USP17L7: variants seen among roughly 807,000 people sequenced by gnomAD.
USP17L7 encodes the protein inactive ubiquitin carboxyl-terminal hydrolase 17-like protein 7.
A neutral mutation model predicts 37.6 loss-of-function variants in USP17L7; 53 were observed. That is an observed-to-expected ratio of 1.41 (90% CI 1.13 to 1.77). The LOEUF is 1.77. USP17L7 is among the 40% of genes most tolerant of loss of function. The pLI, the probability that USP17L7 is intolerant of heterozygous loss-of-function variation, is 0.00. For synonymous variants in USP17L7, 330 were observed against 251.0 expected, an observed-to-expected ratio of 1.31 and a Z score of -2.98; for missense variants, 914 against 645.0, an observed-to-expected ratio of 1.42 and a Z score of -4.52.
In USP17L7 at chr8:12,133,610, A is replaced by G. The variant is rs778447630; in HGVS notation, c.400T>C (p.Trp134Arg). The change falls in exon 1 of 1, where the codon TGG becomes CGG. Residue 134 changes from tryptophan (W) to arginine (R), a missense_variant. Transcript: ENST00000530447. ...MFCTMQAHIT[W>R]ALHSPGHVIQ... ...ACATGGCCAGGACTGTGGAGGGCCC[A>G]TGTGATGTGAGCTTGCATAGTACAG... The G allele has an allele frequency of 1.8e-5, 22 of 1,253,900 alleles. 5 individuals are homozygous for G. The East Asian group carries it at 3.2e-4, about 18-fold the overall frequency. The allele number at this position is 1,253,900 out of a possible 1,614,324, so 77.7% of individuals were successfully genotyped here.
In USP17L7 at chr8:12,133,334, C is replaced by G; in HGVS notation, c.676G>C (p.Asp226His). ...TTGACACTCTGAGCTGCCTGGATAT[C>G]CAGGGCGATGTCCAGGTAAGGGTCA... ...TFDPYLDIAL[D>H]IQAAQSVKQA... The change falls in exon 1 of 1, where the codon GAT (aspartate) becomes CAT (histidine). Residue 226 changes from aspartate (D) to histidine (H), a missense_variant. Physicochemically the swap from Asp to His is moderately conservative, Grantham distance 81. Coordinates refer to ENST00000530447, the MANE Select transcript of USP17L7 (RefSeq NM_001256869.2). 6.6e-7 allele frequency: 1 copy of G among 1,505,104 alleles called. No individual in the cohort carries two copies. The highest frequency in any genetic ancestry group is 9.0e-7 in the Non-Finnish European group (1 of 1,111,362). The allele number at this position is 1,505,104 out of a possible 1,614,324, so 93.2% of individuals were successfully genotyped here. A position where few individuals can be genotyped will look rare whatever the true frequency, so the allele number is the denominator to read the frequency against.
At position 12,132,950 on chromosome 8, in the gene USP17L7, C is replaced by A. The variant is rs769866476; in HGVS notation, c.1060G>T (p.Val354Phe). 8 of 1,531,090 alleles carry A rather than the reference C, an allele frequency of 5.2e-6. No individual in the cohort carries two copies. The highest frequency in any genetic ancestry group is 1.2e-5 in the South Asian group (1 of 81,090). 94.8% of individuals were successfully genotyped at this position (1,531,090 alleles called of 1,614,324 possible). The stretch of plus-strand genomic sequence containing the variant: ...ACAGAGGTGATGCCAGAGGCAGTGA[C>A]CTCGGCATCATCCATTTTATACCAC... ...GQWYKMDDAE[V>F]TASGITSVLS... The change falls in exon 1 of 1, where the codon GTC becomes TTC. Residue 354 changes from valine to phenylalanine, a missense_variant. Val to Phe is a conservative substitution (Grantham distance 50). Coordinates refer to ENST00000530447, the MANE Select transcript of USP17L7 (RefSeq NM_001256869.2).
At position 12,133,219 on chromosome 8, in the gene USP17L7, G is replaced by A. The variant is rs775533975; in HGVS notation, c.791C>T (p.Ser264Phe). 1.3e-6 allele frequency: 2 copies of A among 1,502,740 alleles called. No individual in the cohort carries two copies. The highest frequency in any genetic ancestry group is 2.8e-5 in the African/African-American group (2 of 71,468). 93.1% of individuals were successfully genotyped at this position (1,502,740 alleles called of 1,614,324 possible). The change falls in exon 1 of 1, where the codon TCC becomes TTC. Residue 264 changes from serine to phenylalanine, a missense_variant. Ser to Phe is a radical substitution (Grantham distance 155). Coordinates refer to ENST00000530447, the MANE Select transcript of USP17L7 (RefSeq NM_001256869.2). Reference sequence around the variant, plus strand: ...AGAAGTGGGTAAAGTTAACGTCTTGGAGGCAGGCGCCTTCTGGAGACAAAG... The same window carrying A: ...AGAAGTGGGTAAAGTTAACGTCTTGAAGGCAGGCGCCTTCTGGAGACAAAG... ...CGLCLQKAPA[S>F]KTLTLPTSAK...
In USP17L7 at chr8:12,132,461, C is replaced by CT. The variant is rs1219731607; in HGVS notation, c.1548dup (p.Gly517ArgfsTer3). The stretch of plus-strand genomic sequence containing the variant: ...GATCTCTTGCTGTGTTTGTTATTCC[C>CT]TTTGGATCTCCTGGTGCTCCCTTGC... On this transcript the variant is annotated frameshift_variant, in exon 1 of 1. Coordinates refer to ENST00000530447, the MANE Select transcript of USP17L7 (RefSeq NM_001256869.2). LOFTEE classifies it high-confidence loss of function. The CT allele has an allele frequency of 1.4e-6, 2 of 1,448,538 alleles. 1 individual carries two copies. Among genetic ancestry groups the CT allele is most frequent in the Non-Finnish European group, 1.9e-6 (2 of 1,055,340 alleles). The allele number at this position is 1,448,538 out of a possible 1,614,324, so 89.7% of individuals were successfully genotyped here. A position where few individuals can be genotyped will look rare whatever the true frequency, so the allele number is the denominator to read the frequency against.
rs778004223 is a variant in USP17L7 at position 12,132,933 on chromosome 8, G to C, written c.1077C>G (p.Ile359Met). ...MDDAEVTASG[I>M]TSVLSQQAYV... is the part of the protein sequence containing the mutation. ...AGGCCTGTTGACTCAGGACAGAGGT[G>C]ATGCCAGAGGCAGTGACCTCGGCAT... The change falls in exon 1 of 1, where the codon ATC becomes ATG. Residue 359 changes from isoleucine to methionine, a missense_variant. Physicochemically the swap from Ile to Met is conservative, Grantham distance 10. Coordinates refer to ENST00000530447, the MANE Select transcript of USP17L7 (RefSeq NM_001256869.2). The C allele has an allele frequency of 1.6e-4, 240 of 1,527,588 alleles. 19 individuals carry two copies. The highest frequency in any genetic ancestry group is 1.2e-4 in the Admixed American group (7 of 57,206). The allele number at this position is 1,527,588 out of a possible 1,614,324, so 94.6% of individuals were successfully genotyped here. A position where few individuals can be genotyped will look rare whatever the true frequency, so the allele number is the denominator to read the frequency against.
Position 12,133,622 on chromosome 8 carries a change from C to G in USP17L7, c.388G>C (p.Ala130Pro). ...HKCCMFCTMQ[A>P]HITWALHSPG... The stretch of plus-strand genomic sequence containing the variant: ...CTGTGGAGGGCCCATGTGATGTGAG[C>G]TTGCATAGTACAGAACATGCAGCAC... Residue 130 changes from alanine (A) to proline (P), a missense_variant, in exon 1 of 1, where the codon GCT becomes CCT. Physicochemically the swap from Ala to Pro is conservative, Grantham distance 27. Transcript: ENST00000530447. The G allele has an allele frequency of 2.4e-6, 3 of 1,239,036 alleles. No homozygotes were observed. Among genetic ancestry groups the G allele is most frequent in the Non-Finnish European group, 3.5e-6 (3 of 863,766 alleles). 76.8% of individuals were successfully genotyped at this position (1,239,036 alleles called of 1,614,324 possible). A position where few individuals can be genotyped will look rare whatever the true frequency, so the allele number is the denominator to read the frequency against.
rs769953341 is a variant in USP17L7, at chr8:12,132,995, C to T, written c.1015G>A (p.Val339Ile). The T allele has an allele frequency of 7.8e-6, 12 of 1,532,228 alleles. 1 individual carries two copies. The highest frequency in any genetic ancestry group is 1.7e-5 in the Admixed American group (1 of 57,202). 94.9% of individuals were successfully genotyped at this position (1,532,228 alleles called of 1,614,324 possible). Residue 339 changes from valine (V) to isoleucine (I), a missense_variant, in exon 1 of 1, where the codon GTC becomes ATC. By Grantham distance (29) the Val-to-Ile change is conservative. Transcript: ENST00000530447. The stretch of plus-strand genomic sequence containing the variant: ...TACCACTGGCCTTCTTGAGCTTTGA[C>T]ATAAGAGAAGTAATGTCCGTTGTGA... ...SCHNGHYFSY[V>I]KAQEGQWYKM...
chr8:12,132,474 G>T lies in USP17L7; in HGVS notation c.1536C>A (p.Thr512=). 1 of 1,452,224 alleles carries T rather than the reference G, an allele frequency of 6.9e-7. No homozygotes were observed. Among genetic ancestry groups the T allele is most frequent in the Non-Finnish European group, 9.4e-7 (1 of 1,058,670 alleles). 90.0% of individuals were successfully genotyped at this position (1,452,224 alleles called of 1,614,324 possible). The change falls in exon 1 of 1, where the codon ACC becomes ACA. Residue 512 remains threonine, a synonymous_variant. Coordinates refer to ENST00000530447, the MANE Select transcript of USP17L7 (RefSeq NM_001256869.2). ...GTTTGTTATTCCCTTTGGATCTCCT[G>T]GTGCTCCCTTGCAGAGAAGCGAGTG... ...TGTLASLQGS[T]RRSKGNNKHS...
Position 12,132,669 on chromosome 8 carries a change from C to T in USP17L7, c.1341G>A (p.Lys447=). 1 of 1,543,162 alleles carries T rather than the reference C, an allele frequency of 6.5e-7. No homozygotes were observed. The highest frequency in any genetic ancestry group is 8.8e-7 in the Non-Finnish European group (1 of 1,138,560). ...WKFPQEQNKT[K]PEFNVRKVEG... ...CAACTTTTCTGACGTTGAACTCAGG[C>T]TTCGTTTTGTTTTGCTCTTGGGGGA... Residue 447 remains lysine, a synonymous_variant, in exon 1 of 1, where the codon AAG becomes AAA. Coordinates refer to ENST00000530447, the MANE Select transcript of USP17L7 (RefSeq NM_001256869.2).
rs779221154 is a variant in USP17L7 at position 12,133,366 on chromosome 8, T to C, written c.644A>G (p.Asp215Gly). Reference sequence around the variant, plus strand: ...GATGTCCAGGTAAGGGTCAAAGGTGTCTGAAACGCCGTGGCAGTGGAGATA... The same window carrying C: ...GATGTCCAGGTAAGGGTCAAAGGTGCCTGAAACGCCGTGGCAGTGGAGATA... The part of the protein sequence containing the change: ...IKYLHCHGVS[D>G]TFDPYLDIAL... The change falls in exon 1 of 1, where the codon GAC (aspartate) becomes GGC (glycine). Residue 215 changes from aspartate to glycine, a missense_variant. Coordinates refer to ENST00000530447, the MANE Select transcript of USP17L7 (RefSeq NM_001256869.2). 90 of 1,474,372 alleles carry C rather than the reference T, an allele frequency of 6.1e-5. 6 individuals are homozygous for C. The highest frequency in any genetic ancestry group is 7.7e-5 in the Non-Finnish European group (83 of 1,084,362). 91.3% of individuals were successfully genotyped at this position (1,474,372 alleles called of 1,614,324 possible).
Position 12,132,647 on chromosome 8 carries a change from C to G in USP17L7, c.1363G>C (p.Val455Leu), listed in dbSNP as rs576469109. ...KTKPEFNVRK[V>L]EGTLPPNVLV... ...ACGTTGGGAGGCAGGGTACCTTCAA[C>G]TTTTCTGACGTTGAACTCAGGCTTC... The change falls in exon 1 of 1, where the codon GTT (valine) becomes CTT (leucine). Residue 455 changes from valine to leucine, a missense_variant. Physicochemically the swap from Val to Leu is conservative, Grantham distance 32. Coordinates refer to ENST00000530447, the MANE Select transcript of USP17L7 (RefSeq NM_001256869.2). The G allele has an allele frequency of 7.7e-5, 119 of 1,538,768 alleles. 11 individuals carry two copies. Among genetic ancestry groups the G allele is most frequent in the African/African-American group, 5.2e-4 (37 of 71,528 alleles).
chr8:12,132,951 C>A lies in USP17L7; in HGVS notation c.1059G>T (p.Glu353Asp), dbSNP rs574433245. The A allele has an allele frequency of 9.2e-6, 14 of 1,529,696 alleles. 1 individual carries two copies. The highest frequency in any genetic ancestry group is 1.2e-5 in the Non-Finnish European group (14 of 1,125,380). The allele number at this position is 1,529,696 out of a possible 1,614,324, so 94.8% of individuals were successfully genotyped here. ...EGQWYKMDDA[E>D]VTASGITSVL... ...CAGAGGTGATGCCAGAGGCAGTGACCTCGGCATCATCCATTTTATACCACT... is the reference window on the plus strand; with the variant it reads ...CAGAGGTGATGCCAGAGGCAGTGACATCGGCATCATCCATTTTATACCACT... The change falls in exon 1 of 1, where the codon GAG becomes GAT. Residue 353 changes from glutamate (E) to aspartate (D), a missense_variant. Glu to Asp is a conservative substitution (Grantham distance 45). Coordinates refer to ENST00000530447, the MANE Select transcript of USP17L7 (RefSeq NM_001256869.2).
Position 12,133,694 on chromosome 8 carries a change from T to G in USP17L7, c.316A>C (p.Asn106His), listed in dbSNP as rs764804541. 6 of 1,280,846 alleles carry G rather than the reference T, an allele frequency of 4.7e-6. No homozygotes were observed. The highest frequency in any genetic ancestry group is 1.5e-5 in the African/African-American group (1 of 67,490). The allele number at this position is 1,280,846 out of a possible 1,614,324, so 79.3% of individuals were successfully genotyped here. A position where few individuals can be genotyped will look rare whatever the true frequency, so the allele number is the denominator to read the frequency against. The stretch of plus-strand genomic sequence containing the variant: ...GAGTCCTCCCGGGACAGCATGTAGT[T>G]GGAAAGCGGCAGTGTGTATGTCAGG... ...QCLTYTLPLS[N>H]YMLSREDSQT... is the part of the protein sequence containing the mutation. Residue 106 changes from asparagine (N) to histidine (H), a missense_variant, in exon 1 of 1, where the codon AAC becomes CAC. Coordinates refer to ENST00000530447, the MANE Select transcript of USP17L7 (RefSeq NM_001256869.2).
Position 12,132,956 on chromosome 8 carries a change from C to T in USP17L7, c.1054G>A (p.Ala352Thr). 1 of 1,530,804 alleles carries T rather than the reference C, an allele frequency of 6.5e-7. No homozygotes were observed. Among genetic ancestry groups the T allele is most frequent in the Non-Finnish European group, 8.9e-7 (1 of 1,126,328 alleles). 94.8% of individuals were successfully genotyped at this position (1,530,804 alleles called of 1,614,324 possible). A position where few individuals can be genotyped will look rare whatever the true frequency, so the allele number is the denominator to read the frequency against. The change falls in exon 1 of 1, where the codon GCC becomes ACC. Residue 352 changes from alanine (A) to threonine (T), a missense_variant. Coordinates refer to ENST00000530447, the MANE Select transcript of USP17L7 (RefSeq NM_001256869.2). ...GTGATGCCAGAGGCAGTGACCTCGGCATCATCCATTTTATACCACTGGCCT... is the reference window on the plus strand; with the variant it reads ...GTGATGCCAGAGGCAGTGACCTCGGTATCATCCATTTTATACCACTGGCCT... ...QEGQWYKMDD[A>T]EVTASGITSV...
Position 12,132,434 on chromosome 8 carries a change from G to T in USP17L7, c.1576C>A (p.Leu526Met), listed in dbSNP as rs763471800. Residue 526 changes from leucine (L) to methionine (M), a missense_variant, in exon 1 of 1, where the codon CTG (leucine) becomes ATG (methionine). Transcript: ENST00000530447. The stretch of plus-strand genomic sequence containing the variant: ...CACTGTGATCACTGGCACACAAGCA[G>T]AGATCTCTTGCTGTGTTTGTTATTC... The part of the protein sequence containing the change: ...KGNNKHSKRS[L>M]LVCQ The T allele has an allele frequency of 7.0e-7, 1 of 1,420,920 alleles. No homozygotes were observed. Among genetic ancestry groups the T allele is most frequent in the Non-Finnish European group, 9.7e-7 (1 of 1,030,308 alleles). 88.0% of individuals were successfully genotyped at this position (1,420,920 alleles called of 1,614,324 possible).
rs1167914748 is a variant in USP17L7, at chr8:12,133,632, A to G, written c.378T>C (p.Cys126=). Reference sequence around the variant, plus strand: ...CCCATGTGATGTGAGCTTGCATAGTACAGAACATGCAGCACTTGTGAAGAT... The same window carrying G: ...CCCATGTGATGTGAGCTTGCATAGTGCAGAACATGCAGCACTTGTGAAGAT... The part of the protein sequence containing the change: ...TCHLHKCCMF[C]TMQAHITWAL... The change falls in exon 1 of 1, where the codon TGT becomes TGC. Residue 126 remains cysteine (C), a synonymous_variant. Coordinates refer to ENST00000530447, the MANE Select transcript of USP17L7 (RefSeq NM_001256869.2). The G allele has an allele frequency of 3.3e-6, 4 of 1,230,056 alleles. 1 individual carries two copies. The highest frequency in any genetic ancestry group is 4.7e-6 in the Non-Finnish European group (4 of 855,662). 76.2% of individuals were successfully genotyped at this position (1,230,056 alleles called of 1,614,324 possible).
In USP17L7 at chr8:12,132,895, T is replaced by C; in HGVS notation, c.1115A>G (p.Tyr372Cys). The change falls in exon 1 of 1, where the codon TAC (tyrosine) becomes TGC (cysteine). Residue 372 changes from tyrosine to cysteine, a missense_variant. Transcript: ENST00000530447. ...VLSQQAYVLF[Y>C]IQKSEWERHS... ...TCTTTCCCATTCACTCTTCTGGATG[T>C]AAAAGAGGACATAGGCCTGTTGACT... 1 of 1,493,590 alleles carries C rather than the reference T, an allele frequency of 6.7e-7. No individual in the cohort carries two copies. The highest frequency in any genetic ancestry group is 1.3e-5 in the South Asian group (1 of 79,890). 92.5% of individuals were successfully genotyped at this position (1,493,590 alleles called of 1,614,324 possible).
Position 12,132,806 on chromosome 8 carries a change from G to C in USP17L7, c.1204C>G (p.Pro402Ala). ...CTCTTGAGCTCTCCTTGCGTTGCTG[G>C]CCTGTCTGTGTCTTCAGCACCAAGG... ...RALGAEDTDR[P>A]ATQGELKRDH... Residue 402 changes from proline to alanine, a missense_variant, in exon 1 of 1, where the codon CCA becomes GCA. Coordinates refer to ENST00000530447, the MANE Select transcript of USP17L7 (RefSeq NM_001256869.2). 5 of 1,517,796 alleles carry C rather than the reference G, an allele frequency of 3.3e-6. 1 individual carries two copies. The South Asian group carries it at 3.7e-5, about 11-fold the overall frequency. The allele number at this position is 1,517,796 out of a possible 1,614,324, so 94.0% of individuals were successfully genotyped here.
rs1329121807 is a variant in USP17L7, at chr8:12,132,934, A to T, written c.1076T>A (p.Ile359Asn). The change falls in exon 1 of 1, where the codon ATC (isoleucine) becomes AAC (asparagine). Residue 359 changes from isoleucine (I) to asparagine (N), a missense_variant. Ile to Asn is a moderately radical substitution (Grantham distance 149, BLOSUM62 -3). Transcript: ENST00000530447. ...MDDAEVTASG[I>N]TSVLSQQAYV... ...GGCCTGTTGACTCAGGACAGAGGTG[A>T]TGCCAGAGGCAGTGACCTCGGCATC... The T allele has an allele frequency of 6.5e-7, 1 of 1,528,978 alleles. No homozygotes were observed. Among genetic ancestry groups the T allele is most frequent in the Non-Finnish European group, 8.9e-7 (1 of 1,124,616 alleles). The allele number at this position is 1,528,978 out of a possible 1,614,324, so 94.7% of individuals were successfully genotyped here. A position where few individuals can be genotyped will look rare whatever the true frequency, so the allele number is the denominator to read the frequency against.
Sources: allele counts gnomAD v4.1 joint callset, GRCh38; gene constraint gnomAD v4.1.1; transcripts MANE v1.5; gene names NCBI Gene and HGNC (gene_info 2026-07-23, HGNC 2026-07-21).